Variants in RNF150 observed in about 807,000 individuals in gnomAD.
RNF150 encodes the protein ring finger protein 150.
In RNF150, 24 loss-of-function variants were observed where a neutral mutation model predicts 39.3. That is an observed-to-expected ratio of 0.61 (90% confidence interval 0.44 to 0.86). The LOEUF is 0.86. RNF150 is among the 40% of genes least tolerant of loss of function. The probability of loss-of-function intolerance (pLI) is 0.00; values close to 1 mark genes in which losing one functional copy is unlikely to be tolerated. For synonymous variants in RNF150, 255 were observed against 227.3 expected, an observed-to-expected ratio of 1.12 and a Z score of -1.10; for missense variants, 502 against 587.8, an observed-to-expected ratio of 0.85 and a Z score of 1.51.
chr4:140,928,847 T>A (rs2111328348), intron 4 of RNF150, among the ~76,000 whole-genome samples: 1 of 152,222 alleles, frequency 6.6e-6, no homozygotes, highest in Admixed American at 6.5e-5. Context: ...CGCCCGGCCC[T>A]GTATCTTTGT....
chr4:141,064,879 T>C (rs1235419271), intron 1 of RNF150, among the ~76,000 whole-genome samples: 1 of 152,140 alleles, frequency 6.6e-6, no homozygotes, highest in East Asian at 1.9e-4. Flanking sequence ...GTTTGTTTGT[T>C]TTTGAGACGG....
chr4:140,931,347 G>A (rs997482799), intron 4 of RNF150, among the ~76,000 whole-genome samples: 1 of 152,146 alleles, frequency 6.6e-6, no homozygotes, highest in African/African-American at 2.4e-5. Flanking sequence ...ACACAGGGCA[G>A]TCAGGCTTAT....
chr4:141,018,032 G>A (rs993390016), intron 1 of RNF150, among the ~76,000 whole-genome samples: 2 of 152,150 alleles, frequency 1.3e-5, no homozygotes, highest in Non-Finnish European at 2.9e-5. Context: ...CTGTATAACA[G>A]TTAGGGGCTT....
At chr4:140,907,245 G>A (rs1267008618) in intron 6 of RNF150, among the ~76,000 whole-genome samples, 1 of 152,172 alleles carries the variant, frequency 6.6e-6, no homozygotes, top group East Asian at 1.9e-4. Context: ...TCATACAAAT[G>A]ACCACTCACA....
intron 1 of RNF150, among the ~76,000 whole-genome samples, chr4:140,989,783 CTTA>C (rs1379537607): frequency 6.6e-6 from 1 of 151,636 alleles, no homozygotes; most frequent in Non-Finnish European, 1.5e-5. Context: ...ATCTTAAGGA[CTTA>C]TTAATTATTT....
At chr4:140,896,695 A>AAG (rs775877390) in intron 6 of RNF150, among the ~76,000 whole-genome samples, 2 of 82,204 alleles carry the variant, frequency 2.4e-5, no homozygotes, top group African/African-American at 4.0e-5. Context: ...AATAAAAAAA[A>AAG]AAAAACAAAA....
chr4:140,897,644 A>G (rs1045521900), intron 6 of RNF150, among the ~76,000 whole-genome samples: 9 of 152,208 alleles, frequency 5.9e-5, no homozygotes, highest in African/African-American at 2.2e-4. Flanking sequence ...GATATAAAAG[A>G]GTGATAATTG....
chr4:141,178,393 A>C (rs183505224), intron 1 of RNF150, among the ~76,000 whole-genome samples: 1 of 152,358 alleles, frequency 6.6e-6, no homozygotes, highest in Admixed American at 6.5e-5. Flanking sequence ...TCAAGGTTAA[A>C]ATAATAATTT....
At chr4:141,164,999 G>T (rs190128171) in intron 1 of RNF150, among the ~76,000 whole-genome samples, 2 of 151,982 alleles carry the variant, frequency 1.3e-5, no homozygotes, top group East Asian at 1.9e-4. Flanking sequence ...AGACACAGAC[G>T]GGCAAATTGG....
chr4:140,910,514 T>A (rs528037872), intron 6 of RNF150, among the ~76,000 whole-genome samples: 1 of 152,152 alleles, frequency 6.6e-6, no homozygotes, highest in Non-Finnish European at 1.5e-5. Context: ...TGTCTATGTA[T>A]GAGATGGGGG....
intron 1 of RNF150, among the ~76,000 whole-genome samples, chr4:141,165,475 C>A (rs1727584441): frequency 6.6e-6 from 1 of 152,162 alleles, no homozygotes; most frequent in Non-Finnish European, 1.5e-5. Context: ...AATTCTCCAA[C>A]CAAAATCAAC....
Position 140,866,841 on chromosome 4 carries a change from A to G in RNF150, c.*1420T>C, listed in dbSNP as rs1438670287. ...TATCAATGACCTTAGTCATCTCTGT[A>G]TCTGGATAGTCTGAATATATTACAA... is the stretch of plus-strand genomic sequence containing the variant. On this transcript the variant is annotated 3_prime_UTR_variant, in exon 7 of 7. Coordinates refer to ENST00000515673, the MANE Select transcript of RNF150 (RefSeq NM_020724.2). The G allele has an allele frequency of 6.6e-6, 1 of 152,216 alleles. No homozygotes were observed. The highest frequency in any genetic ancestry group is 1.5e-5 in the Non-Finnish European group (1 of 68,042). 9.4% of individuals were successfully genotyped at this position (152,216 alleles called of 1,614,324 possible). A position where few individuals can be genotyped will look rare whatever the true frequency, so the allele number is the denominator to read the frequency against.
At chr4:141,098,937 C>T (rs1232953001) in intron 1 of RNF150, among the ~76,000 whole-genome samples, 1 of 152,088 alleles carries the variant, frequency 6.6e-6, no homozygotes, top group Non-Finnish European at 1.5e-5. Context: ...TTGTTTTTAA[C>T]AATCACGAGA....
chr4:141,048,874 T>A (rs1736677830), intron 1 of RNF150, among the ~76,000 whole-genome samples: 1 of 152,240 alleles, frequency 6.6e-6, no homozygotes, highest in South Asian at 2.1e-4. Flanking sequence ...TACTTAGGTA[T>A]ACCAAGATGA....
In RNF150 at chr4:141,133,071, C is replaced by CCG; in HGVS notation, c.-265_-264dup. The CCG allele has an allele frequency of 5.0e-6, 2 of 398,520 alleles. No individual in the cohort carries two copies. Among genetic ancestry groups the CCG allele is most frequent in the Non-Finnish European group, 9.0e-6 (2 of 221,242 alleles). 24.7% of individuals were successfully genotyped at this position (398,520 alleles called of 1,614,324 possible). On this transcript the variant is annotated 5_prime_UTR_variant, in exon 1 of 7. It introduces an in-frame stop codon into an upstream open reading frame of the 5' UTR. Transcript: ENST00000515673. ...CCCGGGGGGCGCGGGAACAGAGGGC[C>CCG]CGCGGGGCTTGCGGAGGAGTCCTGC...
intron 1 of RNF150, among the ~76,000 whole-genome samples, chr4:141,018,161 A>G (rs1735351695): frequency 6.6e-6 from 1 of 152,202 alleles, no homozygotes; most frequent in South Asian, 2.1e-4. Context: ...GAGGTGGAAG[A>G]GCAACAACTC....
chr4:141,118,809 G>A (rs560605851), intron 1 of RNF150, among the ~76,000 whole-genome samples: 1 of 152,154 alleles, frequency 6.6e-6, no homozygotes, highest in Non-Finnish European at 1.5e-5. Flanking sequence ...CGCCCAGGCT[G>A]GAGTACAGTG....
chr4:141,004,990 TG>T (rs1413290304), intron 1 of RNF150, among the ~76,000 whole-genome samples: 1 of 152,136 alleles, frequency 6.6e-6, no homozygotes, highest in Non-Finnish European at 1.5e-5. Flanking sequence ...AGAAACAGCA[TG>T]GCATGTTCAG....
At chr4:141,162,212 C>A (rs1727525861) in intron 1 of RNF150, among the ~76,000 whole-genome samples, 1 of 152,204 alleles carries the variant, frequency 6.6e-6, no homozygotes, top group South Asian at 2.1e-4. Flanking sequence ...CTCCCTGCAT[C>A]AGTGTGGCCT....
Sources: gnomAD v4.1 joint callset for allele counts (sites outside exome capture counted in the v4.1 genomes callset) on GRCh38, gnomAD v4.1.1 for gene constraint, MANE v1.5 for transcripts, NCBI Gene and HGNC (gene_info 2026-07-23, HGNC 2026-07-21) for gene names.